ERBB4: variants seen among roughly 807,000 people sequenced by gnomAD.
ERBB4 encodes the protein erb-b2 receptor tyrosine kinase 4.
In ERBB4, 42 loss-of-function variants were observed where a neutral mutation model predicts 158.0. That is an observed-to-expected ratio of 0.27 (90% confidence interval 0.21 to 0.34). The LOEUF (loss-of-function observed/expected upper bound fraction) is 0.34. ERBB4 is among the 10% of genes least tolerant of loss of function. The pLI, the probability that ERBB4 is intolerant of heterozygous loss-of-function variation, is 1.00. For missense variants in ERBB4, 1,333 were observed against 1,624.1 expected (o/e 0.82, Z 3.08); for synonymous variants, 583 against 558.7 (o/e 1.04, Z -0.61).
At chr2:211,800,904 C>A (rs2076485688) in intron 3 of ERBB4, among the ~76,000 whole-genome samples, 1 of 152,074 alleles carries the variant, frequency 6.6e-6, no homozygotes, top group African/African-American at 2.4e-5. Flanking sequence ...ACTGTGGGAA[C>A]TCTATGCTTA....
At chr2:211,873,933 G>T (rs991455856) in intron 3 of ERBB4, among the ~76,000 whole-genome samples, 8 of 151,810 alleles carry the variant, frequency 5.3e-5, no homozygotes, top group African/African-American at 1.2e-4. Context: ...ATATAAAAAG[G>T]CTTCAAAATC....
chr2:211,602,316 ACT>A (rs1332273181), intron 19 of ERBB4, among the ~76,000 whole-genome samples: 1 of 151,686 alleles, frequency 6.6e-6, no homozygotes, highest in Non-Finnish European at 1.5e-5. Context: ...AGGTGCTTGG[ACT>A]CTGTCAGCAA....
rs527701136 is a variant in ERBB4, at chr2:212,286,194, G to T, written c.83-161291C>A. On this transcript the variant is annotated intron_variant, in intron 1 of 27. Coordinates refer to ENST00000342788, the MANE Select transcript of ERBB4 (RefSeq NM_005235.3). The stretch of plus-strand genomic sequence containing the variant: ...CAGGCAGCTAACTACTATTACATTG[G>T]TTCTTACGGTTTACTGAAGCATTAA... 1.9e-3 allele frequency among the ~76,000 whole-genome samples: 289 copies of T among 152,160 alleles called. 1 individual carries two copies. Among genetic ancestry groups the T allele is most frequent in the African/African-American group, 6.6e-3 (274 of 41,520 alleles).
chr2:211,770,937 G>A (rs2075676205), intron 4 of ERBB4, among the ~76,000 whole-genome samples: 1 of 152,186 alleles, frequency 6.6e-6, no homozygotes, highest in Admixed American at 6.5e-5. Flanking sequence ...TTCTCTAAGA[G>A]GGGACTCGTG....
chr2:212,198,991 C>T (rs753615117), intron 1 of ERBB4, among the ~76,000 whole-genome samples: 12 of 151,912 alleles, frequency 7.9e-5, no homozygotes, highest in African/African-American at 1.7e-4. Flanking sequence ...AATATCTGTT[C>T]GAGTCTCCAC....
chr2:211,727,986 C>T (rs2074319266), intron 5 of ERBB4, among the ~76,000 whole-genome samples: 1 of 151,746 alleles, frequency 6.6e-6, no homozygotes, highest in Non-Finnish European at 1.5e-5. Context: ...TTACATTAAA[C>T]TTCAAAATAA....
At chr2:211,424,005 T>C (rs1409038001) in intron 23 of ERBB4, 150 bp downstream of exon 23, 1 of 743,500 alleles carries the variant, frequency 1.3e-6, no homozygotes, top group Admixed American at 2.1e-5. Flanking sequence ...TTAATAATAG[T>C]CACAACAAAG....
chr2:211,626,879 C>T (rs185572315), intron 17 of ERBB4, among the ~76,000 whole-genome samples: 5,729 of 151,280 alleles, frequency 0.038, 352 homozygotes, highest in African/African-American at 0.13. Context: ...GAGCCGAGAT[C>T]GCGCCACTGC....
At chr2:211,517,729 G>A (rs916043136) in intron 20 of ERBB4, among the ~76,000 whole-genome samples, 3 of 152,086 alleles carry the variant, frequency 2.0e-5, no homozygotes, top group African/African-American at 7.2e-5. Flanking sequence ...AAAAATCCAA[G>A]ACATGCATTA....
intron 2 of ERBB4, among the ~76,000 whole-genome samples, chr2:212,086,630 C>T (rs2078622428): frequency 6.6e-6 from 1 of 151,746 alleles, no homozygotes; most frequent in African/African-American, 2.4e-5. Flanking sequence ...GATATGGAAC[C>T]AAAAATAAGA....
chr2:212,254,530 C>A, intron 1 of ERBB4, among the ~76,000 whole-genome samples: 1 of 152,168 alleles, frequency 6.6e-6, no homozygotes, highest in East Asian at 1.9e-4. Flanking sequence ...ACCGTGGGAT[C>A]ACAATCATTT....
chr2:211,714,455 G>A (rs868544929), intron 7 of ERBB4, among the ~76,000 whole-genome samples: 3 of 152,122 alleles, frequency 2.0e-5, no homozygotes, highest in African/African-American at 7.2e-5. Flanking sequence ...AAGCAGAAAC[G>A]GCATATGATG....
chr2:212,225,096 T>C (rs907530829), intron 1 of ERBB4, among the ~76,000 whole-genome samples: 6 of 151,974 alleles, frequency 3.9e-5, no homozygotes, highest in African/African-American at 1.4e-4. Context: ...AGAAGTTATA[T>C]GAAAGTTTTT....
At chr2:212,098,100 A>C (rs2078981605) in intron 2 of ERBB4, among the ~76,000 whole-genome samples, 1 of 152,192 alleles carries the variant, frequency 6.6e-6, no homozygotes, top group Non-Finnish European at 1.5e-5. Flanking sequence ...AAAGAAAACA[A>C]AGTGCTGATA....
chr2:212,485,727 T>C (rs1021459544), intron 1 of ERBB4, among the ~76,000 whole-genome samples: 1 of 152,208 alleles, frequency 6.6e-6, no homozygotes, highest in Non-Finnish European at 1.5e-5. Context: ...TATTATTATT[T>C]CTCAGAGCTG....
chr2:211,426,857 A>G (rs942040133), intron 22 of ERBB4, among the ~76,000 whole-genome samples: 1 of 151,634 alleles, frequency 6.6e-6, no homozygotes, highest in African/African-American at 2.4e-5. Flanking sequence ...AAACCTATCT[A>G]TATCATGTAA....
intron 1 of ERBB4, among the ~76,000 whole-genome samples, chr2:212,308,924 A>C (rs2106230615): frequency 6.6e-6 from 1 of 151,118 alleles, no homozygotes; most frequent in South Asian, 2.1e-4. Context: ...TGGGTCCATA[A>C]CCCAATATTG....
intron 2 of ERBB4, among the ~76,000 whole-genome samples, chr2:212,063,319 CA>C (rs2077837464): frequency 6.6e-6 from 1 of 151,778 alleles, no homozygotes; most frequent in Non-Finnish European, 1.5e-5. Flanking sequence ...CCTTGAATTT[CA>C]AAAATGTGTA....
chr2:212,306,352 C>T (rs578215564), intron 1 of ERBB4, among the ~76,000 whole-genome samples: 1 of 151,492 alleles, frequency 6.6e-6, no homozygotes, highest in Admixed American at 6.6e-5. Context: ...TGAGTATACA[C>T]AAACACAAAC....
Sources: allele counts gnomAD v4.1 joint callset (sites outside exome capture counted in the v4.1 genomes callset), GRCh38; gene constraint gnomAD v4.1.1; transcripts MANE v1.5; gene names NCBI Gene and HGNC (gene_info 2026-07-23, HGNC 2026-07-21).